Variants in MCHR2 observed in about 807,000 individuals in gnomAD.
MCHR2 encodes the protein melanin concentrating hormone receptor 2.
A neutral mutation model predicts 24.8 loss-of-function variants in MCHR2; 15 were observed. The observed-to-expected ratio is 0.60, with a 90% CI of 0.40 to 0.93. MCHR2 has a LOEUF of 0.93. MCHR2 is among the 40% of genes least tolerant of loss of function. The pLI is 0.00. For missense variants in MCHR2, 386 were observed against 408.7 expected (o/e 0.94, Z 0.48); for synonymous variants, 151 against 147.6 (o/e 1.02, Z -0.17).
intron 5 of MCHR2, among the ~76,000 whole-genome samples, chr6:99,922,737 T>A (rs1053889331): frequency 3.3e-5 from 5 of 152,306 alleles, no homozygotes; most frequent in Non-Finnish European, 5.9e-5. Flanking sequence ...TCTATTCTGT[T>A]TCATTGGTCT....
At chr6:99,973,271 T>G (rs9385962) in intron 1 of MCHR2, among the ~76,000 whole-genome samples, 60,569 of 149,582 alleles carry the variant, frequency 0.4, 12,792 homozygotes, top group East Asian at 0.75. Context: ...TATTTATTTA[T>G]GATAGTTAGC....
intron 1 of MCHR2, among the ~76,000 whole-genome samples, chr6:99,991,445 C>T (rs1775872726): frequency 6.6e-6 from 1 of 152,156 alleles, no homozygotes; most frequent in South Asian, 2.1e-4. Flanking sequence ...CTGTCTGAGC[C>T]TCAGTTTCCC....
chr6:99,993,257 G>T (rs1775919890), intron 1 of MCHR2, among the ~76,000 whole-genome samples: 1 of 152,132 alleles, frequency 6.6e-6, no homozygotes, highest in Admixed American at 6.5e-5. Flanking sequence ...GTTGCAAAGG[G>T]CCTAGGCTAC....
At position 99,938,614 on chromosome 6, in the gene MCHR2, G is replaced by A. The variant is rs78344473; in HGVS notation, c.588-4097C>T. 6.8e-3 allele frequency among the ~76,000 whole-genome samples: 1,034 copies of A among 152,068 alleles called. 10 individuals carry two copies. The highest frequency in any genetic ancestry group is 0.024 in the African/African-American group (978 of 41,548). On this transcript the variant is annotated intron_variant, in intron 4 of 5. Transcript: ENST00000281806. ...TCAGATGTGTCTTGTGGCCTGATAG[G>A]ATTATTCTGGGGGAATGTTCTATAT... is the stretch of plus-strand genomic sequence containing the variant.
At chr6:99,935,858 C>A (rs1055906344) in intron 4 of MCHR2, among the ~76,000 whole-genome samples, 1 of 151,778 alleles carries the variant, frequency 6.6e-6, no homozygotes, top group Non-Finnish European at 1.5e-5. Flanking sequence ...TGTCAGCATC[C>A]ATTATTGCCT....
At chr6:99,991,833 A>G (rs1188187491) in intron 1 of MCHR2, among the ~76,000 whole-genome samples, 1 of 148,068 alleles carries the variant, frequency 6.8e-6, no homozygotes, top group Admixed American at 6.7e-5. Context: ...AAAAGAAAAG[A>G]AAAAAGAAAT....
chr6:99,949,264 C>A (rs11155171), intron 2 of MCHR2, among the ~76,000 whole-genome samples: 42,040 of 151,986 alleles, frequency 0.28, 6,897 homozygotes, highest in East Asian at 0.76. Context: ...TCTAGACATG[C>A]ATAAATAAAT....
chr6:99,958,389 C>A (rs13340451), intron 1 of MCHR2, among the ~76,000 whole-genome samples: 1 of 151,678 alleles, frequency 6.6e-6, no homozygotes, highest in Non-Finnish European at 1.5e-5. Flanking sequence ...GAAATCTATA[C>A]GTACATAAAA....
At chr6:99,960,149 A>T (rs1488569232) in intron 1 of MCHR2, among the ~76,000 whole-genome samples, 1 of 152,048 alleles carries the variant, frequency 6.6e-6, no homozygotes, top group East Asian at 1.9e-4. Context: ...TTCTTAGCAG[A>T]AACCTTGCAA....
At chr6:99,987,345 G>T (rs1775788570) in intron 1 of MCHR2, among the ~76,000 whole-genome samples, 1 of 152,114 alleles carries the variant, frequency 6.6e-6, no homozygotes, top group Non-Finnish European at 1.5e-5. Flanking sequence ...GAGGCCATAA[G>T]TGAATTTACT....
intron 5 of MCHR2, among the ~76,000 whole-genome samples, chr6:99,925,597 T>C (rs1377840830): frequency 6.6e-6 from 1 of 151,966 alleles, no homozygotes; most frequent in Non-Finnish European, 1.5e-5. Context: ...CCATAAGTCT[T>C]ACAAATACTA....
chr6:99,940,998 G>A (rs187926933), intron 4 of MCHR2, among the ~76,000 whole-genome samples: 1 of 152,238 alleles, frequency 6.6e-6, no homozygotes, highest in East Asian at 1.9e-4. Flanking sequence ...GTCTCTGCCT[G>A]TTCTCAGGGA....
intron 1 of MCHR2, among the ~76,000 whole-genome samples, chr6:99,973,715 T>A (rs1189208894): frequency 6.6e-6 from 1 of 152,246 alleles, no homozygotes; most frequent in African/African-American, 2.4e-5. Context: ...TTCCTTTCCA[T>A]GTTTAGTGCT....
Position 99,920,792 on chromosome 6 carries a change from T to C in MCHR2, c.*148A>G, listed in dbSNP as rs1774206797. The stretch of plus-strand genomic sequence containing the variant: ...AAGTTAGCATATTAAGCTCATTGTA[T>C]TTGCATGGTTACACTTCTCTTCCAT... On this transcript the variant is annotated 3_prime_UTR_variant, in exon 6 of 6. Transcript: ENST00000281806. 1 of 751,706 alleles carries C rather than the reference T, an allele frequency of 1.3e-6. No individual in the cohort carries two copies. Among genetic ancestry groups the C allele is most frequent in the South Asian group, 1.8e-5 (1 of 55,316 alleles). The allele number at this position is 751,706 out of a possible 1,614,324, so 46.6% of individuals were successfully genotyped here.
At chr6:99,944,952 G>T (rs900818525) in intron 3 of MCHR2, among the ~76,000 whole-genome samples, 25 of 152,052 alleles carry the variant, frequency 1.6e-4, no homozygotes, top group Non-Finnish European at 1.6e-4. Context: ...TACCTGCCTG[G>T]CAGGATCTGC....
intron 2 of MCHR2, among the ~76,000 whole-genome samples, chr6:99,954,680 ATTG>A (rs1373270136): frequency 1.3e-5 from 2 of 152,072 alleles, no homozygotes; most frequent in African/African-American, 4.8e-5. Flanking sequence ...ACTGCTAAGT[ATTG>A]TTGTGTGAAT....
chr6:99,934,161 C>T (rs1177883831), intron 5 of MCHR2, among the ~76,000 whole-genome samples: 3 of 151,976 alleles, frequency 2.0e-5, no homozygotes, highest in South Asian at 2.1e-4. Context: ...TCTTGAGTTC[C>T]GTATGCATTT....
At chr6:99,968,215 A>G (rs1775330248) in intron 1 of MCHR2, among the ~76,000 whole-genome samples, 1 of 152,158 alleles carries the variant, frequency 6.6e-6, no homozygotes, top group Non-Finnish European at 1.5e-5. Flanking sequence ...TTGTGAACCA[A>G]GACAGGGCTG....
intron 1 of MCHR2, among the ~76,000 whole-genome samples, chr6:99,972,496 T>C (rs1407948136): frequency 3.9e-5 from 6 of 152,152 alleles, no homozygotes; most frequent in Non-Finnish European, 7.4e-5. Context: ...ATTTTGTTGA[T>C]CCTTTCAAAA....
Sources: gnomAD v4.1 joint callset for allele counts (sites outside exome capture counted in the v4.1 genomes callset) on GRCh38, gnomAD v4.1.1 for gene constraint, MANE v1.5 for transcripts, NCBI Gene and HGNC (gene_info 2026-07-23, HGNC 2026-07-21) for gene names.